NUMB: variants seen among roughly 807,000 people sequenced by gnomAD.
NUMB encodes the protein protein numb homolog.
NUMB carries 29 observed loss-of-function variants against 59.7 expected under a neutral mutation model. The ratio of observed to expected loss-of-function variants is 0.49; its 90% CI spans 0.36 to 0.66. NUMB has a LOEUF of 0.66. Among genes scored for constraint, NUMB ranks in the 30% least tolerant of loss-of-function variants. The probability of loss-of-function intolerance (pLI) is 0.00; values close to 1 mark genes in which losing one functional copy is unlikely to be tolerated. For synonymous variants in NUMB, 288 were observed against 288.2 expected, an observed-to-expected ratio of 1.00 and a Z score of 0.01; for missense variants, 723 against 822.0, an observed-to-expected ratio of 0.88 and a Z score of 1.47.
intron 1 of NUMB, among the ~76,000 whole-genome samples, chr14:73,450,504 T>C (rs1883845013): frequency 6.6e-6 from 1 of 152,218 alleles, no homozygotes; most frequent in African/African-American, 2.4e-5. Context: ...TAAAGAATAC[T>C]GGGAGCTAGG....
At chr14:73,329,434 A>G (rs1891839298) in intron 4 of NUMB, among the ~76,000 whole-genome samples, 1 of 152,128 alleles carries the variant, frequency 6.6e-6, no homozygotes, top group Non-Finnish European at 1.5e-5. Flanking sequence ...TTCATCTGAA[A>G]TTTCAGCTTG....
chr14:73,451,421 A>G (rs1389808502), intron 1 of NUMB, among the ~76,000 whole-genome samples: 1 of 142,090 alleles, frequency 7.0e-6, no homozygotes, highest in Non-Finnish European at 1.5e-5. Flanking sequence ...TGGGCAACAG[A>G]GGAGACACCG....
At chr14:73,448,681 A>G (rs1269992727) in intron 1 of NUMB, among the ~76,000 whole-genome samples, 2 of 152,226 alleles carry the variant, frequency 1.3e-5, no homozygotes, top group African/African-American at 2.4e-5. Flanking sequence ...ATCATTAACA[A>G]TATCAGTAAA....
chr14:73,285,994 G>C lies in NUMB; in HGVS notation c.655+1116C>G, dbSNP rs112207803. On this transcript the variant is annotated intron_variant, in intron 9 of 12. Transcript: ENST00000555238. Reference sequence around the variant, plus strand: ...AAAAATGACTAGTTTAGAACTAAAAGGTTATAGTAAAAAAAATTATCATAT... The same window carrying C: ...AAAAATGACTAGTTTAGAACTAAAACGTTATAGTAAAAAAAATTATCATAT... Among the ~76,000 whole-genome samples, 692 of 150,568 alleles carry C rather than the reference G, an allele frequency of 4.6e-3. 4 individuals carry two copies. Among genetic ancestry groups the C allele is most frequent in the African/African-American group, 0.016 (670 of 41,116 alleles).
intron 1 of NUMB, among the ~76,000 whole-genome samples, chr14:73,457,046 G>GA (rs67252605): frequency 0.06 from 8,863 of 148,874 alleles, 721 homozygotes; most frequent in African/African-American, 0.17. Flanking sequence ...CAACTCACAT[G>GA]AAAAAAAAAA....
At chr14:73,343,483 C>G (rs954494507) in intron 4 of NUMB, among the ~76,000 whole-genome samples, 7 of 152,182 alleles carry the variant, frequency 4.6e-5, no homozygotes, top group Non-Finnish European at 1.0e-4. Flanking sequence ...AGCTTCCCCG[C>G]TGGAAGAACC....
At chr14:73,372,730 A>T (rs1398065565) in intron 2 of NUMB, among the ~76,000 whole-genome samples, 1 of 152,022 alleles carries the variant, frequency 6.6e-6, no homozygotes, top group Non-Finnish European at 1.5e-5. Flanking sequence ...TACAAAAGAA[A>T]AGCCTAGAAA....
intron 5 of NUMB, among the ~76,000 whole-genome samples, chr14:73,317,108 A>T (rs1891124174): frequency 6.6e-6 from 1 of 152,214 alleles, no homozygotes. Flanking sequence ...AACACACATA[A>T]GGAAATAACA....
At chr14:73,401,037 G>A (rs1011285405) in intron 2 of NUMB, among the ~76,000 whole-genome samples, 1 of 152,110 alleles carries the variant, frequency 6.6e-6, no homozygotes, top group Non-Finnish European at 1.5e-5. Flanking sequence ...CACAACGTGG[G>A]GCTTGCAATT....
At chr14:73,335,783 A>G (rs1468276591) in intron 4 of NUMB, among the ~76,000 whole-genome samples, 1 of 152,244 alleles carries the variant, frequency 6.6e-6, no homozygotes, top group Non-Finnish European at 1.5e-5. Flanking sequence ...AACATTAACA[A>G]AAGTGACATA....
At chr14:73,411,243 G>A (rs1040074203) in intron 1 of NUMB, among the ~76,000 whole-genome samples, 7 of 152,110 alleles carry the variant, frequency 4.6e-5, no homozygotes, top group African/African-American at 1.7e-4. Context: ...GGGTACAGAT[G>A]AGGTCTCACT....
At chr14:73,295,111 AC>A (rs1307892879) in intron 7 of NUMB, among the ~76,000 whole-genome samples, 4 of 150,298 alleles carry the variant, frequency 2.7e-5, no homozygotes, top group Non-Finnish European at 4.4e-5. Context: ...ATCAAGATAG[AC>A]ATGAGTTGAG....
intron 6 of NUMB, among the ~76,000 whole-genome samples, chr14:73,312,006 T>G (rs1890800696): frequency 6.6e-6 from 1 of 152,192 alleles, no homozygotes; most frequent in Non-Finnish European, 1.5e-5. Context: ...TACTTGCCCC[T>G]CTCTGTTTTC....
At position 73,436,751 on chromosome 14, in the gene NUMB, C is replaced by A. The variant is rs190085343; in HGVS notation, c.-233+21742G>T. On this transcript the variant is annotated intron_variant, in intron 1 of 12. Coordinates refer to ENST00000555238, the MANE Select transcript of NUMB (RefSeq NM_001005743.2). ...ATCCCAGCACTTTCGGAGGCTGAGG[C>A]GGGCGGATCACGAGGTCAAGAGATC... 2.4e-4 allele frequency among the ~76,000 whole-genome samples: 37 copies of A among 151,658 alleles called. 1 individual carries two copies. Among genetic ancestry groups the A allele is most frequent in the Non-Finnish European group, 3.2e-4 (22 of 67,892 alleles).
At chr14:73,437,856 G>A (rs991874224) in intron 1 of NUMB, among the ~76,000 whole-genome samples, 1 of 151,974 alleles carries the variant, frequency 6.6e-6, no homozygotes, top group South Asian at 2.1e-4. Flanking sequence ...TTCCACATAA[G>A]GATCAGGGAT....
intron 2 of NUMB, among the ~76,000 whole-genome samples, chr14:73,398,175 G>A (rs553127869): frequency 2.0e-4 from 30 of 151,930 alleles, no homozygotes; most frequent in Non-Finnish European, 4.0e-4. Context: ...AATTGTTAAC[G>A]GAAAAAAATC....
intron 4 of NUMB, among the ~76,000 whole-genome samples, chr14:73,346,310 G>A (rs996172708): frequency 5.9e-5 from 9 of 151,742 alleles, no homozygotes; most frequent in South Asian, 4.2e-4. Flanking sequence ...AGAAACCCCC[G>A]TCTCTACTAA....
rs367791004 is a variant in NUMB at position 73,403,336 on chromosome 14, C to A, written c.-101+6601G>T. ...TAGTCAGGTTTTCAACTGCTTACAG[C>A]CTGATTCACCCATTATATATCACCA... On this transcript the variant is annotated intron_variant, in intron 2 of 12. Coordinates refer to ENST00000555238, the MANE Select transcript of NUMB (RefSeq NM_001005743.2). Among the ~76,000 whole-genome samples, 107 of 152,288 alleles carry A rather than the reference C, an allele frequency of 7.0e-4. 1 individual carries two copies. The highest frequency in any genetic ancestry group is 3.4e-3 in the Middle Eastern group (1 of 294).
intron 4 of NUMB, among the ~76,000 whole-genome samples, chr14:73,328,213 T>G (rs1891766115): frequency 6.6e-6 from 1 of 150,458 alleles, no homozygotes; most frequent in African/African-American, 2.5e-5. Flanking sequence ...AGGCAGAGGT[T>G]GCGGTGAGCC....
Sources: allele counts gnomAD v4.1 joint callset (sites outside exome capture counted in the v4.1 genomes callset), GRCh38; gene constraint gnomAD v4.1.1; transcripts MANE v1.5; gene names NCBI Gene and HGNC (gene_info 2026-07-23, HGNC 2026-07-21).